The following ZNF236 variants were observed in gnomAD, a reference collection of about 807,000 sequenced individuals.
The protein encoded by ZNF236 is zinc finger protein 236.
A neutral mutation model predicts 191.2 loss-of-function variants in ZNF236; 50 were observed. The ratio of observed to expected loss-of-function variants is 0.26; its 90% CI spans 0.21 to 0.33. ZNF236 has a LOEUF of 0.33. Ranked by LOEUF, ZNF236 falls within the 10% of genes least tolerant of loss-of-function variation. The pLI is 1.00. For missense variants in ZNF236, 1,754 were observed against 2,374.5 expected, an observed-to-expected ratio of 0.74 and a Z score of 5.43; for synonymous variants, 907 against 928.8, an observed-to-expected ratio of 0.98 and a Z score of 0.43.
intron 9 of ZNF236, chr18:76,886,578 C>T (rs1377810515): frequency 2.3e-5 from 4 of 175,312 alleles, no homozygotes; most frequent in South Asian, 1.2e-4. Context: ...TTCTGTAAAC[C>T]GTGTAGCCTA....
Position 76,972,685 on chromosome 18 carries a change from G to A in ZNF236, c.*4346G>A, listed in dbSNP as rs752445430. 3.3e-5 allele frequency among the ~76,000 whole-genome samples: 5 copies of A among 151,720 alleles called. No homozygotes were observed. The highest frequency in any genetic ancestry group is 7.4e-5 in the Non-Finnish European group (5 of 67,918). ...ATTGACAAATTCTCAAGTGACATAG[G>A]GATTTGTTCTTGATTCACCACTAAA... On this transcript the variant is annotated 3_prime_UTR_variant, in exon 31 of 31. Coordinates refer to ENST00000320610, the MANE Select transcript of ZNF236 (RefSeq NM_001306089.2).
At chr18:76,913,726 T>G in intron 17 of ZNF236, 21 bp from the exon 18 acceptor site, 1 of 1,611,716 alleles carries the variant, frequency 6.2e-7, no homozygotes, top group Non-Finnish European at 8.5e-7. Context: ...GTGGTCTGAG[T>G]TCTGTATGTT....
At chr18:76,920,118 C>G in intron 20 of ZNF236, 60 bp downstream of exon 20, 1 of 1,541,200 alleles carries the variant, frequency 6.5e-7, no homozygotes, top group Non-Finnish European at 8.8e-7. Context: ...CAGGCAGCTG[C>G]TCCTTTGGTG....
At chr18:76,959,859 T>C in intron 29 of ZNF236, 43 bp downstream of exon 29, 1 of 1,596,692 alleles carries the variant, frequency 6.3e-7, no homozygotes, top group Non-Finnish European at 8.6e-7. Context: ...CTCTTTGAAG[T>C]AGACATCATG....
chr18:76,942,358 C>T (rs1250613793), intron 26 of ZNF236, among the ~76,000 whole-genome samples: 1 of 152,036 alleles, frequency 6.6e-6, no homozygotes, highest in Middle Eastern at 3.2e-3. Context: ...AATTACTGTA[C>T]ATATTTAAAA....
intron 1 of ZNF236, among the ~76,000 whole-genome samples, chr18:76,831,692 A>G (rs1277461392): frequency 3.3e-5 from 5 of 152,208 alleles, no homozygotes; most frequent in Non-Finnish European, 7.4e-5. Flanking sequence ...CATCCTAACC[A>G]GCATTTGGGA....
In ZNF236 at chr18:76,937,159, T is replaced by A. The variant is rs1433774710; in HGVS notation, c.4598T>A (p.Leu1533His). The change falls in exon 26 of 31, where the codon CTT becomes CAT. Residue 1533 changes from leucine to histidine, a missense_variant. By Grantham distance (99) the Leu-to-His change is moderately conservative (BLOSUM62 -3). This residue lies in a region of ZNF236 where 606 missense variants were observed against 761.5 expected (regional missense o/e 0.80). Coordinates refer to ENST00000320610, the MANE Select transcript of ZNF236 (RefSeq NM_001306089.2). ...ACTTACTTTGCCTCTTTTGTAGAAC[T>A]TAACACTACAAGCGGAAGCCTTCCT... ...PQEITLTISE[L>H]NTTSGSLPST... The A allele has an allele frequency of 3.7e-6, 6 of 1,613,482 alleles. No individual in the cohort carries two copies. The highest frequency in any genetic ancestry group is 5.1e-6 in the Non-Finnish European group (6 of 1,179,594).
intron 9 of ZNF236, among the ~76,000 whole-genome samples, chr18:76,890,972 T>C (rs1977213079): frequency 6.6e-6 from 1 of 152,238 alleles, no homozygotes; most frequent in Non-Finnish European, 1.5e-5. Context: ...ATATATTTTC[T>C]CTTCTTTATG....
chr18:76,866,227 T>C (rs1227639837), intron 3 of ZNF236, among the ~76,000 whole-genome samples: 2 of 152,236 alleles, frequency 1.3e-5, no homozygotes, highest in African/African-American at 4.8e-5. Flanking sequence ...TCACATTTAT[T>C]GATCATCTCA....
At chr18:76,936,257 A>G (rs1599409737) in intron 25 of ZNF236, 3 of 450,330 alleles carry the variant, frequency 6.7e-6, no homozygotes, top group African/African-American at 4.0e-5. Context: ...GCACAAGTGG[A>G]TGAGGAATAC....
At chr18:76,894,905 C>T in intron 9 of ZNF236, 108 bp from the exon 10 acceptor site, 1 of 1,450,858 alleles carries the variant, frequency 6.9e-7, no homozygotes, top group Non-Finnish European at 9.3e-7. Flanking sequence ...TCCAAGCTTT[C>T]CCATAACTGA....
intron 1 of ZNF236, among the ~76,000 whole-genome samples, chr18:76,824,669 A>T (rs995413400): frequency 5.3e-5 from 8 of 152,200 alleles, no homozygotes; most frequent in African/African-American, 1.7e-4. Context: ...CCATTCCCCC[A>T]GTATCCCCAT....
At chr18:76,915,930 AC>A (rs1250621717) in intron 19 of ZNF236, 71 bp downstream of exon 19, 2 of 1,452,012 alleles carry the variant, frequency 1.4e-6, no homozygotes, top group Non-Finnish European at 1.9e-6. Context: ...TTCACAAATC[AC>A]CGTGAGTATT....
rs1976661979 is a variant in ZNF236 at position 76,874,448 on chromosome 18, T to TGCTA, written c.668-1042_668-1039dup. Among the ~76,000 whole-genome samples the TGCTA allele has an allele frequency of 2.0e-5, 3 of 152,200 alleles. No individual in the cohort carries two copies. The South Asian group carries it at 6.2e-4, about 32-fold the overall frequency. On this transcript the variant is annotated intron_variant, in intron 5 of 30. Transcript: ENST00000320610. ...CTTCATTCATCAGATCCGTACTGCA[T>TGCTA]GCTAGTGTGCACAGGGCCCTGTTCT...
At position 76,829,876 on chromosome 18, in the gene ZNF236, G is replaced by A. The variant is rs1170663233; in HGVS notation, c.55+7214G>A. Among the ~76,000 whole-genome samples the A allele has an allele frequency of 3.9e-5, 6 of 152,160 alleles. No individual in the cohort carries two copies. The East Asian group carries it at 5.8e-4, about 15-fold the overall frequency. ...TGTTAGCTTTACCTGTTTTTGTTTTGCTTTTTCTTTTTTGAGACGGAGTCT... is the reference window on the plus strand; with the variant it reads ...TGTTAGCTTTACCTGTTTTTGTTTTACTTTTTCTTTTTTGAGACGGAGTCT... On this transcript the variant is annotated intron_variant, in intron 1 of 30. Coordinates refer to ENST00000320610, the MANE Select transcript of ZNF236 (RefSeq NM_001306089.2).
intron 25 of ZNF236, among the ~76,000 whole-genome samples, chr18:76,933,312 T>C (rs1213991889): frequency 2.6e-5 from 4 of 151,974 alleles, no homozygotes; most frequent in African/African-American, 9.7e-5. Context: ...CCATTAAAAA[T>C]ACAACAAATT....
intron 26 of ZNF236, among the ~76,000 whole-genome samples, chr18:76,946,856 A>G (rs927766085): frequency 1.3e-5 from 2 of 152,252 alleles, no homozygotes; most frequent in Non-Finnish European, 2.9e-5. Flanking sequence ...TTAAATATAC[A>G]CACATGTAGA....
intron 1 of ZNF236, among the ~76,000 whole-genome samples, chr18:76,830,616 C>G (rs538367292): frequency 1.3e-5 from 2 of 151,862 alleles, no homozygotes; most frequent in South Asian, 4.1e-4. Context: ...TACGCTAACA[C>G]TAATGATAGC....
rs780133255 is a variant in ZNF236 at position 76,937,243 on chromosome 18, C to T, written c.4682C>T (p.Ser1561Leu). 1.7e-5 allele frequency: 28 copies of T among 1,614,030 alleles called. No individual in the cohort carries two copies. The highest frequency in any genetic ancestry group is 2.0e-5 in the Non-Finnish European group (24 of 1,180,040). ...ACTCAGAACCTGGTCATGTCCTCGT[C>T]GGGCGTGGGAGGTGACGCTAGTGTC... is the stretch of plus-strand genomic sequence containing the variant. ...ISTQNLVMSSSGVGGDASVTL... is the reference protein window; with the variant it reads ...ISTQNLVMSSLGVGGDASVTL... The change falls in exon 26 of 31, where the codon TCG (serine) becomes TTG (leucine). Residue 1561 changes from serine to leucine, a missense_variant. Transcript: ENST00000320610.
Sources: gnomAD v4.1 joint callset for allele counts (sites outside exome capture counted in the v4.1 genomes callset) on GRCh38, gnomAD v4.1.1 for gene constraint, gnomAD v4.1.1 regional missense constraint, MANE v1.5 for transcripts, NCBI Gene and HGNC (gene_info 2026-07-23, HGNC 2026-07-21) for gene names.